PCLO: variants seen among roughly 807,000 people sequenced by gnomAD.
The protein encoded by PCLO is piccolo presynaptic cytomatrix protein.
In PCLO, 82 loss-of-function variants were observed where a neutral mutation model predicts 427.5. The observed-to-expected ratio is 0.19, with a 90% CI of 0.16 to 0.23. The LOEUF is 0.23. Among genes scored for constraint, PCLO ranks in the 10% least tolerant of loss-of-function variants. The pLI, the probability that PCLO is intolerant of heterozygous loss-of-function variation, is 1.00. For missense variants in PCLO, 6,239 were observed against 6,115.9 expected (o/e 1.02, Z -0.67); for synonymous variants, 2,357 against 2,155.4 (o/e 1.09, Z -2.59).
At chr7:82,882,121 A>G (rs1008895744) in intron 9 of PCLO, among the ~76,000 whole-genome samples, 1 of 152,198 alleles carries the variant, frequency 6.6e-6, no homozygotes, top group African/African-American at 2.4e-5. Context: ...TATAATTTTA[A>G]AGAATTGAAT....
chr7:83,016,127 A>G (rs929621726), intron 3 of PCLO, among the ~76,000 whole-genome samples: 11 of 152,150 alleles, frequency 7.2e-5, no homozygotes, highest in Admixed American at 3.3e-4. Flanking sequence ...CATGTAAGAA[A>G]GGACATGGCA....
intron 3 of PCLO, among the ~76,000 whole-genome samples, chr7:82,994,691 A>G (rs990708874): frequency 2.6e-5 from 4 of 151,854 alleles, no homozygotes; most frequent in Non-Finnish European, 5.9e-5. Flanking sequence ...ACATCATGGG[A>G]AATGGGATTA....
At chr7:82,792,598 GA>G (rs1271598503) in intron 22 of PCLO, among the ~76,000 whole-genome samples, 15 of 152,052 alleles carry the variant, frequency 9.9e-5, no homozygotes, top group Admixed American at 3.9e-4. Context: ...AAAGTGCTGG[GA>G]TTACAGGGTG....
At chr7:82,768,483 C>T (rs900109614) in intron 22 of PCLO, among the ~76,000 whole-genome samples, 1 of 150,996 alleles carries the variant, frequency 6.6e-6, no homozygotes, top group Non-Finnish European at 1.5e-5. Context: ...TAAATTTTGT[C>T]TCTTAAACTT....
At chr7:83,054,094 C>T (rs186862446) in intron 3 of PCLO, among the ~76,000 whole-genome samples, 13 of 152,026 alleles carry the variant, frequency 8.6e-5, no homozygotes, top group Non-Finnish European at 1.0e-4. Context: ...TTTTCAATAG[C>T]CACTGCCAAG....
In PCLO at chr7:82,916,150, G is replaced by C. The variant is rs1214728775; in HGVS notation, c.11836C>G (p.Pro3946Ala). The C allele has an allele frequency of 1.2e-6, 2 of 1,613,584 alleles. No individual in the cohort carries two copies. The highest frequency in any genetic ancestry group is 4.5e-5 in the East Asian group (2 of 44,846). Reference protein sequence around the residue: ...FTPQVQPTPTPQPSYQLPSQM... With the variant: ...FTPQVQPTPTAQPSYQLPSQM... ...GAAGGTAACTGATAAGAAGGCTGTG[G>C]GGTTGGTGTAGGTTGAACTTGAGGT... Residue 3946 changes from proline (P) to alanine (A), a missense_variant, in exon 7 of 25, where the codon CCA (proline) becomes GCA (alanine). Physicochemically the swap from Pro to Ala is conservative, Grantham distance 27. Coordinates refer to ENST00000333891, the MANE Select transcript of PCLO (RefSeq NM_033026.6).
intron 3 of PCLO, among the ~76,000 whole-genome samples, chr7:82,997,815 T>C (rs993198633): frequency 2.0e-5 from 3 of 152,058 alleles, no homozygotes; most frequent in African/African-American, 4.8e-5. Context: ...GAGTGTTGGA[T>C]TCATGTATAT....
chr7:82,979,234 A>G (rs1796093506), intron 3 of PCLO, among the ~76,000 whole-genome samples: 1 of 151,406 alleles, frequency 6.6e-6, no homozygotes. Flanking sequence ...AAATAAATAA[A>G]TAATCTAGAA....
At chr7:82,969,559 G>A (rs371896536) in intron 3 of PCLO, among the ~76,000 whole-genome samples, 1 of 152,152 alleles carries the variant, frequency 6.6e-6, no homozygotes, top group East Asian at 1.9e-4. Context: ...ATGAAAGAAG[G>A]CAGCCAGCCT....
At chr7:83,035,988 T>C (rs997677808) in intron 3 of PCLO, among the ~76,000 whole-genome samples, 2 of 152,208 alleles carry the variant, frequency 1.3e-5, no homozygotes, top group African/African-American at 2.4e-5. Context: ...TTTGAGTCTA[T>C]ACATTACCTT....
At chr7:83,160,575 G>A (rs1792410213) in intron 1 of PCLO, among the ~76,000 whole-genome samples, 1 of 151,976 alleles carries the variant, frequency 6.6e-6, no homozygotes, top group Non-Finnish European at 1.5e-5. Flanking sequence ...TTTGGATGAA[G>A]TTTTCACCAA....
At chr7:83,005,362 GA>G (rs1232947432) in intron 3 of PCLO, among the ~76,000 whole-genome samples, 1 of 151,566 alleles carries the variant, frequency 6.6e-6, no homozygotes, top group African/African-American at 2.4e-5. Context: ...GGAATCTAAA[GA>G]AGTCGAACTC....
chr7:82,936,229 C>A (rs1400813055), intron 6 of PCLO, among the ~76,000 whole-genome samples: 1 of 151,268 alleles, frequency 6.6e-6, no homozygotes, highest in African/African-American at 2.4e-5. Context: ...CTTTCTTTGA[C>A]CACAATAGAA....
At chr7:82,831,266 T>C (rs1584023199) in intron 16 of PCLO, among the ~76,000 whole-genome samples, 1 of 152,082 alleles carries the variant, frequency 6.6e-6, no homozygotes, top group African/African-American at 2.4e-5. Flanking sequence ...GATCCAAACA[T>C]AGGTAATTTG....
chr7:83,084,453 A>C (rs981185674), intron 3 of PCLO, among the ~76,000 whole-genome samples: 2 of 152,170 alleles, frequency 1.3e-5, no homozygotes, highest in African/African-American at 4.8e-5. Context: ...ATCCCAGCTT[A>C]AAAGCACCAT....
chr7:82,980,688 A>G (rs1034000142), intron 3 of PCLO, among the ~76,000 whole-genome samples: 1 of 152,152 alleles, frequency 6.6e-6, no homozygotes, highest in African/African-American at 2.4e-5. Flanking sequence ...TGAAGGAATG[A>G]CAGATGCACT....
Position 82,915,005 on chromosome 7 carries a change from G to A in PCLO, c.12981C>T (p.Ser4327=). 6.2e-7 allele frequency: 1 copy of A among 1,613,640 alleles called. No individual in the cohort carries two copies. The highest frequency in any genetic ancestry group is 8.5e-7 in the Non-Finnish European group (1 of 1,179,710). The part of the protein sequence containing the change: ...KAQEAEALDV[S]FSHASSSART... ...TGGCAGAGGATGATGCATGACTAAAGGAAACATCTAGAGCTTCAGCCTCTT... is the reference window on the plus strand; with the variant it reads ...TGGCAGAGGATGATGCATGACTAAAAGAAACATCTAGAGCTTCAGCCTCTT... The change falls in exon 7 of 25, where the codon TCC becomes TCT. Residue 4327 remains serine, a synonymous_variant. Coordinates refer to ENST00000333891, the MANE Select transcript of PCLO (RefSeq NM_033026.6).
intron 3 of PCLO, among the ~76,000 whole-genome samples, chr7:82,982,535 T>C (rs1796169519): frequency 6.6e-6 from 1 of 152,120 alleles, no homozygotes; most frequent in Admixed American, 6.6e-5. Context: ...TCTCCTAGAA[T>C]AGTCTCTTTA....
At chr7:82,928,621 C>T (rs4732486) in intron 6 of PCLO, among the ~76,000 whole-genome samples, 51,250 of 151,948 alleles carry the variant, frequency 0.34, 9,237 homozygotes, top group East Asian at 0.49. Context: ...GTAATCCACC[C>T]GCCTCGGCCT....
Sources: allele counts gnomAD v4.1 joint callset (sites outside exome capture counted in the v4.1 genomes callset), GRCh38; gene constraint gnomAD v4.1.1; transcripts MANE v1.5; gene names NCBI Gene and HGNC (gene_info 2026-07-23, HGNC 2026-07-21).